Variants in NDRG3 observed in about 807,000 individuals in gnomAD.
The protein encoded by NDRG3 is protein NDRG3.
A neutral mutation model predicts 57.2 loss-of-function variants in NDRG3; 23 were observed. That is an observed-to-expected ratio of 0.40 (90% CI 0.29 to 0.57). The LOEUF (loss-of-function observed/expected upper bound fraction) is 0.57. NDRG3 is among the 20% of genes least tolerant of loss of function. NDRG3 has a pLI of 0.42. For synonymous variants in NDRG3, 132 were observed against 162.6 expected (o/e 0.81, Z 1.43); for missense variants, 384 against 457.3 (o/e 0.84, Z 1.46).
At chr20:36,730,171 T>C (rs1367319379) in intron 1 of NDRG3, among the ~76,000 whole-genome samples, 1 of 150,066 alleles carries the variant, frequency 6.7e-6, no homozygotes, top group Non-Finnish European at 1.5e-5. Flanking sequence ...CGCTTGAACC[T>C]GGGAGGCAGA....
rs566019157 is a variant in NDRG3 at position 36,720,860 on chromosome 20, C to T, written c.57+819G>A. On this transcript the variant is annotated intron_variant, in intron 2 of 15. Transcript: ENST00000349004. ...GTCTTGGCTCACTGCAACCTCCACT[C>T]CACCTCCTGGGTTCTAGCAATTCTC... Among the ~76,000 whole-genome samples the T allele has an allele frequency of 2.6e-5, 4 of 151,646 alleles. No individual in the cohort carries two copies. In the East Asian group the frequency reaches 7.8e-4, roughly 30 times the overall value.
intron 1 of NDRG3, among the ~76,000 whole-genome samples, chr20:36,735,675 G>A (rs1985567224): frequency 6.6e-6 from 1 of 152,050 alleles, no homozygotes; most frequent in Non-Finnish European, 1.5e-5. Context: ...ATACAGGTGA[G>A]GACATCAGGG....
At chr20:36,668,135 A>AG (rs907924202) in intron 9 of NDRG3, among the ~76,000 whole-genome samples, 11 of 152,284 alleles carry the variant, frequency 7.2e-5, no homozygotes, top group African/African-American at 2.6e-4. Flanking sequence ...CTAGCTACTC[A>AG]GGAGGCTGAA....
chr20:36,744,463 G>A (rs1986087762), intron 1 of NDRG3, among the ~76,000 whole-genome samples: 1 of 152,088 alleles, frequency 6.6e-6, no homozygotes, highest in Non-Finnish European at 1.5e-5. Flanking sequence ...CTGCAAAGAT[G>A]GACCATGCCC....
chr20:36,711,538 A>G (rs1395307420), intron 2 of NDRG3, among the ~76,000 whole-genome samples: 1 of 152,088 alleles, frequency 6.6e-6, no homozygotes, highest in African/African-American at 2.4e-5. Flanking sequence ...GTATCCATGA[A>G]TTCTCCCTTC....
At chr20:36,671,127 G>A (rs1980114038) in intron 9 of NDRG3, among the ~76,000 whole-genome samples, 1 of 152,194 alleles carries the variant, frequency 6.6e-6, no homozygotes, top group South Asian at 2.1e-4. Flanking sequence ...GGTAGCAGGA[G>A]ATGCTGTCTT....
Position 36,708,647 on chromosome 20 carries a change from CA to C in NDRG3, c.58-1641del, listed in dbSNP as rs746647555. Among the ~76,000 whole-genome samples the C allele has an allele frequency of 8.4e-3, 529 of 62,642 alleles. 3 individuals carry two copies. The highest frequency in any genetic ancestry group is 0.029 in the African/African-American group (471 of 16,084). 41.1% of individuals were successfully genotyped at this position (62,642 alleles called of 152,430 possible). On this transcript the variant is annotated intron_variant, in intron 2 of 15. Coordinates refer to ENST00000349004, the MANE Select transcript of NDRG3 (RefSeq NM_032013.4). ...TGGGTGTCAGAGCGAGACTCCGTCTCAAAAAAAAAAAAAAAAAAAGAAAAAG... is the reference window on the plus strand; with the variant it reads ...TGGGTGTCAGAGCGAGACTCCGTCTCAAAAAAAAAAAAAAAAAAGAAAAAG...
chr20:36,720,088 C>T (rs2148194849), intron 2 of NDRG3, among the ~76,000 whole-genome samples: 1 of 147,272 alleles, frequency 6.8e-6, no homozygotes, highest in Non-Finnish European at 1.5e-5. Context: ...GCCTGGGTGA[C>T]AGAGTGAGAC....
chr20:36,689,411 TG>T (rs1982071261), intron 3 of NDRG3, among the ~76,000 whole-genome samples: 2 of 152,154 alleles, frequency 1.3e-5, no homozygotes, highest in Middle Eastern at 6.8e-3. Context: ...GTAAGACTTG[TG>T]GGGAAAAAAG....
chr20:36,668,281 A>T (rs1020469392), intron 9 of NDRG3, among the ~76,000 whole-genome samples: 2 of 152,118 alleles, frequency 1.3e-5, no homozygotes, highest in African/African-American at 2.4e-5. Flanking sequence ...CTTTTTAAAA[A>T]CACAAATTAT....
rs777465999 is a variant in NDRG3 at position 36,721,700 on chromosome 20, G to A, written c.36C>T (p.Ile12=). The change falls in exon 2 of 16, where the codon ATC becomes ATT. Residue 12 remains isoleucine, a synonymous_variant. Coordinates refer to ENST00000349004, the MANE Select transcript of NDRG3 (RefSeq NM_032013.4). The stretch of plus-strand genomic sequence containing the variant: ...TTACCTTATCATTTAGAAGTGGTTT[G>A]ATCTCTGTGAGCTGAACATCCTGAA... ...DELQDVQLTE[I]KPLLNDKNGT... 6.2e-6 allele frequency: 10 copies of A among 1,610,304 alleles called. No homozygotes were observed. Among genetic ancestry groups the A allele is most frequent in the African/African-American group, 1.3e-5 (1 of 74,910 alleles).
chr20:36,712,398 T>C (rs1279394414), intron 2 of NDRG3, among the ~76,000 whole-genome samples: 1 of 143,312 alleles, frequency 7.0e-6, no homozygotes, highest in Non-Finnish European at 1.5e-5. Context: ...TTTTTCTTTT[T>C]TTTTTTTTTT....
At chr20:36,729,533 C>CTT (rs1187695196) in intron 1 of NDRG3, among the ~76,000 whole-genome samples, 9 of 145,904 alleles carry the variant, frequency 6.2e-5, no homozygotes, top group Non-Finnish European at 9.1e-5. Flanking sequence ...TAGCAACAAT[C>CTT]TTTTTTTTTT....
intron 9 of NDRG3, among the ~76,000 whole-genome samples, chr20:36,667,295 C>T (rs1279733789): frequency 6.6e-6 from 1 of 151,812 alleles, no homozygotes; most frequent in Non-Finnish European, 1.5e-5. Context: ...GAGATGGGGA[C>T]TCACTACGCT....
rs1555809933 is a variant in NDRG3, at chr20:36,746,085, G to GGCGGCGGCGGCGGCGGCA, written c.-90_-89insTGCCGCCGCCGCCGCCGC. The GGCGGCGGCGGCGGCGGCA allele has an allele frequency of 9.0e-5, 2 of 22,160 alleles. No individual in the cohort carries two copies. Among genetic ancestry groups the GGCGGCGGCGGCGGCGGCA allele is most frequent in the Non-Finnish European group, 1.4e-4 (2 of 14,682 alleles). 1.4% of individuals were successfully genotyped at this position (22,160 alleles called of 1,614,324 possible). ...CCGCCGTCAGTGCAGCAGCAGCGGCGGCGGCGGCGGCGGCGGCGGCGGCGG... is the reference window on the plus strand; with the variant it reads ...CCGCCGTCAGTGCAGCAGCAGCGGCGGCGGCGGCGGCGGCGGCAGCGGCGGCGGCGGCGGCGGCGGCGG... On this transcript the variant is annotated 5_prime_UTR_variant, in exon 1 of 16. Transcript: ENST00000349004.
Position 36,727,945 on chromosome 20 carries a change from T to C in NDRG3, c.-48-6162A>G, listed in dbSNP as rs368051325. Among the ~76,000 whole-genome samples, 154 of 152,238 alleles carry C rather than the reference T, an allele frequency of 1.0e-3. 4 individuals are homozygous for C. The South Asian group carries it at 0.031, about 31-fold the overall frequency. On this transcript the variant is annotated intron_variant, in intron 1 of 15. Coordinates refer to ENST00000349004, the MANE Select transcript of NDRG3 (RefSeq NM_032013.4). ...CAGGAGCGGTAGCATGCAACTATAG[T>C]GTCAGCTACTTGAAAGGCTAATGCA...
intron 8 of NDRG3, among the ~76,000 whole-genome samples, chr20:36,673,786 T>A (rs1980394677): frequency 6.6e-6 from 1 of 152,168 alleles, no homozygotes; most frequent in Non-Finnish European, 1.5e-5. Flanking sequence ...CAATGGATTG[T>A]CCTGAGGCTG....
intron 13 of NDRG3, among the ~76,000 whole-genome samples, chr20:36,660,018 C>T (rs1979021881): frequency 1.3e-5 from 2 of 151,912 alleles, no homozygotes; most frequent in South Asian, 4.2e-4. Context: ...ACCACCCTGG[C>T]TAACACGGTG....
At chr20:36,692,298 A>G (rs1043173484) in intron 3 of NDRG3, among the ~76,000 whole-genome samples, 2 of 152,160 alleles carry the variant, frequency 1.3e-5, no homozygotes, top group Non-Finnish European at 2.9e-5. Context: ...ATCTCAGCTC[A>G]CTGCAACCTT....
Sources: allele counts gnomAD v4.1 joint callset (sites outside exome capture counted in the v4.1 genomes callset), GRCh38; gene constraint gnomAD v4.1.1; transcripts MANE v1.5; gene names NCBI Gene and HGNC (gene_info 2026-07-23, HGNC 2026-07-21).